PRKAR1B: variants seen among roughly 807,000 people sequenced by gnomAD.
PRKAR1B encodes the protein cAMP-dependent protein kinase type I-beta regulatory subunit.
In PRKAR1B, 22 loss-of-function variants were observed where a neutral mutation model predicts 46.5. The ratio of observed to expected loss-of-function variants is 0.47; its 90% CI spans 0.34 to 0.68. The LOEUF (loss-of-function observed/expected upper bound fraction) is 0.68, where lower values mean the gene tolerates loss of function less well. PRKAR1B is among the 30% of genes least tolerant of loss of function. The probability of loss-of-function intolerance (pLI) is 0.01; values close to 1 mark genes in which losing one functional copy is unlikely to be tolerated. For synonymous variants in PRKAR1B, 259 were observed against 217.7 expected (o/e 1.19, Z -1.67); for missense variants, 445 against 535.6 (o/e 0.83, Z 1.67).
chr7:590,879 C>T (rs1780932277), intron 7 of PRKAR1B, among the ~76,000 whole-genome samples: 1 of 152,188 alleles, frequency 6.6e-6, no homozygotes, highest in Non-Finnish European at 1.5e-5. Flanking sequence ...ACGCCGAGCC[C>T]AGGCCCGTCG....
At chr7:584,682 C>A in intron 7 of PRKAR1B, 114 bp from the exon 8 acceptor site, 2 of 895,512 alleles carry the variant, frequency 2.2e-6, no homozygotes, top group Non-Finnish European at 3.5e-6. Flanking sequence ...ACCCTCCAAG[C>A]ATTCCAAGTC....
intron 1 of PRKAR1B, among the ~76,000 whole-genome samples, chr7:719,783 C>T (rs1781008092): frequency 6.6e-6 from 1 of 152,166 alleles, no homozygotes; most frequent in Non-Finnish European, 1.5e-5. Context: ...CCTTAATAAT[C>T]ACGCCACCCC....
intron 4 of PRKAR1B, among the ~76,000 whole-genome samples, chr7:669,736 C>A (rs566304124): frequency 2.0e-5 from 3 of 151,408 alleles, no homozygotes; most frequent in African/African-American, 4.8e-5. Context: ...TGCACTCCAG[C>A]CTGGGTGACA....
At chr7:649,912 G>T (rs1784802630) in intron 4 of PRKAR1B, among the ~76,000 whole-genome samples, 1 of 150,758 alleles carries the variant, frequency 6.6e-6, no homozygotes, top group African/African-American at 2.4e-5. Context: ...ATGCTGCCCA[G>T]GCTATGTTCA....
chr7:595,700 G>T (rs1009318928), intron 7 of PRKAR1B, among the ~76,000 whole-genome samples: 1 of 152,204 alleles, frequency 6.6e-6, no homozygotes, highest in African/African-American at 2.4e-5. Context: ...GTGGCTCAGA[G>T]TAGATCTGGC....
At chr7:662,873 C>A (rs1785690487) in intron 4 of PRKAR1B, among the ~76,000 whole-genome samples, 1 of 152,142 alleles carries the variant, frequency 6.6e-6, no homozygotes, top group East Asian at 1.9e-4. Context: ...AGGCTCTCAC[C>A]CTCGGAGCGG....
intron 4 of PRKAR1B, among the ~76,000 whole-genome samples, chr7:654,678 T>C (rs887984137): frequency 7.8e-6 from 1 of 128,096 alleles, no homozygotes; most frequent in African/African-American, 3.1e-5. Flanking sequence ...ATCTTCACCA[T>C]CACCATCCTC....
At chr7:673,881 C>T (rs1295796795) in intron 4 of PRKAR1B, among the ~76,000 whole-genome samples, 1 of 152,192 alleles carries the variant, frequency 6.6e-6, no homozygotes, top group Non-Finnish European at 1.5e-5. Context: ...CTCCAGAGGC[C>T]CCGGGCAGGC....
intron 9 of PRKAR1B, among the ~76,000 whole-genome samples, chr7:576,066 C>CTGAA (rs1779805496): frequency 2.0e-5 from 3 of 150,412 alleles, no homozygotes; most frequent in Non-Finnish European, 3.0e-5. Flanking sequence ...TGCACACAGG[C>CTGAA]ATCCTCTCCT....
intron 9 of PRKAR1B, among the ~76,000 whole-genome samples, chr7:573,470 G>A (rs1440032539): frequency 1.3e-5 from 2 of 152,032 alleles, no homozygotes; most frequent in Admixed American, 1.3e-4. Flanking sequence ...AGGAGCGCGT[G>A]GGGGCTCCTG....
At chr7:629,794 T>C (rs80092637) in intron 4 of PRKAR1B, among the ~76,000 whole-genome samples, 129 of 38,820 alleles carry the variant, frequency 3.3e-3, no homozygotes, top group East Asian at 4.4e-3. Flanking sequence ...TCCGAGGGCG[T>C]CACCACCCCA....
chr7:631,426 G>A (rs1286635420), intron 4 of PRKAR1B, among the ~76,000 whole-genome samples: 1 of 152,228 alleles, frequency 6.6e-6, no homozygotes, highest in Non-Finnish European at 1.5e-5. Flanking sequence ...ACCTAACCTG[G>A]GATGACTCAG....
chr7:654,401 C>T lies in PRKAR1B; in HGVS notation c.440+22828G>A, dbSNP rs953807390. Among the ~76,000 whole-genome samples, 5 of 151,114 alleles carry T rather than the reference C, an allele frequency of 3.3e-5. No individual in the cohort carries two copies. The East Asian group carries it at 7.9e-4, about 24-fold the overall frequency. On this transcript the variant is annotated intron_variant, in intron 4 of 10. Transcript: ENST00000537384. ...CATTTCTTCACAATAACTATCATTG[C>T]CATCTTCATCACCATCACCATCTTC...
chr7:658,149 C>CT (rs1296758182), intron 4 of PRKAR1B, among the ~76,000 whole-genome samples: 12 of 152,230 alleles, frequency 7.9e-5, no homozygotes, highest in Admixed American at 7.9e-4. Flanking sequence ...AAATTAGCAA[C>CT]TTGGCGGGGT....
chr7:582,712 C>G (rs1179095160), intron 8 of PRKAR1B, among the ~76,000 whole-genome samples: 2 of 152,172 alleles, frequency 1.3e-5, no homozygotes, highest in South Asian at 2.1e-4. Flanking sequence ...ACCGTTGTCT[C>G]GACAGCGCTG....
intron 4 of PRKAR1B, 73 bp downstream of exon 4, chr7:677,156 G>T: frequency 7.1e-7 from 1 of 1,402,142 alleles, no homozygotes; most frequent in Non-Finnish European, 1.0e-6. Flanking sequence ...CCAGGCAAGT[G>T]GCGGGACCTG....
chr7:702,576 C>A (rs1157407299), intron 2 of PRKAR1B, among the ~76,000 whole-genome samples: 2 of 152,186 alleles, frequency 1.3e-5, no homozygotes, highest in African/African-American at 4.8e-5. Context: ...GTAATCTCAG[C>A]ACTTTGGGAG....
chr7:655,186 A>T (rs1583364255), intron 4 of PRKAR1B, among the ~76,000 whole-genome samples: 1 of 152,192 alleles, frequency 6.6e-6, no homozygotes, highest in African/African-American at 2.4e-5. Context: ...CCGACATGCT[A>T]TGCCTTCTAG....
At chr7:726,221 A>G (rs958679933) in intron 1 of PRKAR1B, among the ~76,000 whole-genome samples, 3 of 152,238 alleles carry the variant, frequency 2.0e-5, no homozygotes, top group African/African-American at 7.2e-5. Context: ...GACAGGCTGC[A>G]CGTGAAGCCC....
Sources: allele counts gnomAD v4.1 joint callset (sites outside exome capture counted in the v4.1 genomes callset), GRCh38; gene constraint gnomAD v4.1.1; transcripts MANE v1.5; gene names NCBI Gene and HGNC (gene_info 2026-07-23, HGNC 2026-07-21).